Variants in TMCO5A observed in about 807,000 individuals in gnomAD.
The protein encoded by TMCO5A is transmembrane and coiled-coil domain-containing protein 5A.
TMCO5A carries 34 observed loss-of-function variants against 42.3 expected under a neutral mutation model. The ratio of observed to expected loss-of-function variants is 0.80; its 90% CI spans 0.61 to 1.07. The LOEUF is 1.07. TMCO5A is among the 50% of genes least tolerant of loss of function. The probability of loss-of-function intolerance (pLI) is 0.00; values close to 1 mark genes in which losing one functional copy is unlikely to be tolerated. For synonymous variants in TMCO5A, 131 were observed against 115.6 expected, an observed-to-expected ratio of 1.13 and a Z score of -0.86; for missense variants, 357 against 327.9, an observed-to-expected ratio of 1.09 and a Z score of -0.69.
chr15:37,950,893 C>T (rs926197915), intron 11 of TMCO5A, 143 bp from the exon 12 acceptor site: 5 of 665,108 alleles, frequency 7.5e-6, no homozygotes, highest in Non-Finnish European at 1.3e-5. Context: ...GGGGGAGCTG[C>T]CATTATAAAA....
At chr15:38,021,345 T>A in the TMCO5A span, among the ~76,000 whole-genome samples, 2 of 152,206 alleles carry the variant, frequency 1.3e-5, no homozygotes, top group Admixed American at 1.3e-4. Flanking sequence ...TTCATTTAGA[T>A]AAAGTGCTCC....
chr15:38,004,614 C>T, the TMCO5A span: 1 of 152,250 alleles, frequency 6.6e-6, no homozygotes, highest in Non-Finnish European at 1.5e-5. Flanking sequence ...AATGCTCCCT[C>T]CGTGGGTGCC....
At chr15:37,959,158 C>T (rs1411977738) in intron 11 of TMCO5A, among the ~76,000 whole-genome samples, 3 of 151,836 alleles carry the variant, frequency 2.0e-5, no homozygotes, top group African/African-American at 7.3e-5. Context: ...GGAGAAATAC[C>T]TAATGTAGAT....
At position 37,936,870 on chromosome 15, in the gene TMCO5A, C is replaced by T. The variant is rs773488924; in HGVS notation, c.164C>T (p.Thr55Met). The change falls in exon 4 of 12, where the codon ACG becomes ATG. Residue 55 changes from threonine to methionine, a missense_variant. Transcript: ENST00000319669. ...AGGCTGGAAAGTGAGATCATTCAGA[C>T]GCGGGGCCTGGTGGAAGATGAAGAG... Reference protein sequence around the residue: ...IQRLESEIIQTRGLVEDEEWE... With the variant: ...IQRLESEIIQMRGLVEDEEWE... The T allele has an allele frequency of 1.2e-4, 194 of 1,611,892 alleles. No homozygotes were observed. The highest frequency in any genetic ancestry group is 1.5e-4 in the Non-Finnish European group (182 of 1,178,984).
the TMCO5A span, among the ~76,000 whole-genome samples, chr15:37,993,810 TG>T: frequency 6.6e-6 from 1 of 152,122 alleles, no homozygotes; most frequent in African/African-American, 2.4e-5. Flanking sequence ...GCTCCCACAA[TG>T]GGTACGGATG....
chr15:38,013,971 C>A, the TMCO5A span, among the ~76,000 whole-genome samples: 2 of 152,166 alleles, frequency 1.3e-5, no homozygotes, highest in Non-Finnish European at 2.9e-5. Flanking sequence ...CTCCTTCTTT[C>A]ATCTCCAAAG....
chr15:38,022,785 T>C, the TMCO5A span, among the ~76,000 whole-genome samples: 1 of 152,176 alleles, frequency 6.6e-6, no homozygotes, highest in African/African-American at 2.4e-5. Context: ...TCTCTATACC[T>C]TCCTCTCAAT....
chr15:37,955,255 T>TAA (rs55989832), downstream of TMCO5A, among the ~76,000 whole-genome samples: 649 of 106,222 alleles, frequency 6.1e-3, 9 homozygotes, highest in African/African-American at 0.022. Context: ...ATTTAAAGAG[T>TAA]AAAAAAAAAA....
intron 11 of TMCO5A, among the ~76,000 whole-genome samples, chr15:37,963,312 A>G (rs867966159): frequency 1.3e-5 from 2 of 152,060 alleles, no homozygotes; most frequent in South Asian, 4.1e-4. Context: ...TTTTGACCCA[A>G]TGCTCATTCA....
the TMCO5A span, among the ~76,000 whole-genome samples, chr15:37,988,068 T>C: frequency 6.6e-6 from 1 of 151,958 alleles, no homozygotes; most frequent in Admixed American, 6.6e-5. Flanking sequence ...GTTTCTCTTT[T>C]ACTTTCTAGG....
the TMCO5A span, among the ~76,000 whole-genome samples, chr15:38,018,878 C>A: frequency 6.6e-6 from 1 of 151,858 alleles, no homozygotes; most frequent in African/African-American, 2.4e-5. Context: ...ATTAGATGGG[C>A]ATGGAACTTC....
the TMCO5A span, among the ~76,000 whole-genome samples, chr15:38,032,424 A>C: frequency 6.6e-6 from 1 of 152,192 alleles, no homozygotes; most frequent in African/African-American, 2.4e-5. Context: ...GGAATGCCAA[A>C]TGTGTGGCAA....
the TMCO5A span, among the ~76,000 whole-genome samples, chr15:37,980,893 T>C: frequency 1.3e-5 from 2 of 152,174 alleles, no homozygotes; most frequent in Non-Finnish European, 2.9e-5. Flanking sequence ...CTTTCACACA[T>C]TGTGGTTTTA....
the TMCO5A span, among the ~76,000 whole-genome samples, chr15:37,990,573 T>C: frequency 6.6e-6 from 1 of 152,122 alleles, no homozygotes; most frequent in African/African-American, 2.4e-5. Flanking sequence ...TAAAATTTAT[T>C]CTGCCAATCT....
At chr15:37,946,753 C>T (rs986620106) in intron 10 of TMCO5A, among the ~76,000 whole-genome samples, 11 of 151,792 alleles carry the variant, frequency 7.2e-5, no homozygotes, top group Non-Finnish European at 1.3e-4. Context: ...TGCTTTTGGA[C>T]TGAGATGATG....
At chr15:37,949,457 C>G (rs1040121811) in intron 11 of TMCO5A, among the ~76,000 whole-genome samples, 1 of 151,900 alleles carries the variant, frequency 6.6e-6, no homozygotes, top group Non-Finnish European at 1.5e-5. Flanking sequence ...CTTACTATGA[C>G]GCTATAGTAA....
At chr15:38,007,872 C>CTTTTTTTTT in the TMCO5A span, among the ~76,000 whole-genome samples, 13 of 47,404 alleles carry the variant, frequency 2.7e-4, 2 homozygotes, top group Admixed American at 7.9e-4. Context: ...CTCACCCACA[C>CTTTTTTTTT]TTTTTTTTTT....
At chr15:38,030,596 A>G in the TMCO5A span, among the ~76,000 whole-genome samples, 4 of 152,106 alleles carry the variant, frequency 2.6e-5, no homozygotes, top group Admixed American at 2.6e-4. Context: ...CCTGCTCCCC[A>G]AATAAACTTC....
the TMCO5A span, among the ~76,000 whole-genome samples, chr15:37,981,200 CAAAAAAAAAAAAA>C: frequency 3.1e-5 from 2 of 65,322 alleles, no homozygotes; most frequent in African/African-American, 1.1e-4. Context: ...AGAAAGCCAG[CAAAAAAAAAAAAA>C]AAAAAAAAAA....
Sources: gnomAD v4.1 joint callset for allele counts (sites outside exome capture counted in the v4.1 genomes callset) on GRCh38, gnomAD v4.1.1 for gene constraint, MANE v1.5 for transcripts, NCBI Gene and HGNC (gene_info 2026-07-23, HGNC 2026-07-21) for gene names.